The following UGT8 variants were observed in gnomAD, a reference collection of about 807,000 sequenced individuals.
The protein encoded by UGT8 is 2-hydroxyacylsphingosine 1-beta-galactosyltransferase.
Under a neutral mutation model 40.5 loss-of-function variants are expected in UGT8, and 12 were observed. The observed-to-expected ratio is 0.30, with a 90% CI of 0.19 to 0.48. UGT8 has a LOEUF of 0.48. Ranked by LOEUF, UGT8 falls within the 20% of genes least tolerant of loss-of-function variation. The pLI is 0.99. For missense variants in UGT8, 513 were observed against 648.7 expected, an observed-to-expected ratio of 0.79 and a Z score of 2.27; for synonymous variants, 224 against 240.4, an observed-to-expected ratio of 0.93 and a Z score of 0.63.
intron 2 of UGT8, among the ~76,000 whole-genome samples, chr4:114,643,964 C>G (rs1320520859): frequency 6.6e-6 from 1 of 152,008 alleles, no homozygotes; most frequent in Non-Finnish European, 1.5e-5. Flanking sequence ...TTGCTGTGAC[C>G]TCGCGTGTGA....
At chr4:114,660,523 T>C (rs781266043) in intron 2 of UGT8, among the ~76,000 whole-genome samples, 3 of 152,160 alleles carry the variant, frequency 2.0e-5, no homozygotes, top group Non-Finnish European at 4.4e-5. Flanking sequence ...TCCTTTATTA[T>C]GTGTATTGTA....
chr4:114,646,622 T>G (rs907974953), intron 2 of UGT8, among the ~76,000 whole-genome samples: 2 of 152,134 alleles, frequency 1.3e-5, no homozygotes. Context: ...TCAAGAGAAG[T>G]TAATTCATTG....
chr4:114,664,409 C>T (rs954523182), intron 3 of UGT8, among the ~76,000 whole-genome samples: 3 of 152,166 alleles, frequency 2.0e-5, no homozygotes, highest in Admixed American at 2.0e-4. Context: ...ACATTTCCCT[C>T]AGAGTTCTAC....
At chr4:114,616,535 C>A (rs1396135623) in intron 1 of UGT8, among the ~76,000 whole-genome samples, 1 of 152,146 alleles carries the variant, frequency 6.6e-6, no homozygotes, top group Non-Finnish European at 1.5e-5. Context: ...ATTCCCTGAC[C>A]CCCTGTGCTT....
intron 2 of UGT8, among the ~76,000 whole-genome samples, chr4:114,633,746 C>A (rs1365147942): frequency 6.6e-6 from 1 of 152,116 alleles, no homozygotes; most frequent in Non-Finnish European, 1.5e-5. Context: ...GAGTTCGAGA[C>A]CAGCCTGACC....
intron 2 of UGT8, among the ~76,000 whole-genome samples, chr4:114,637,591 C>T (rs1388150386): frequency 5.3e-5 from 8 of 152,150 alleles, no homozygotes; most frequent in South Asian, 2.1e-4. Flanking sequence ...TTTACCTGAA[C>T]GACACCAAGA....
chr4:114,617,671 A>C (rs1360835179), intron 1 of UGT8, among the ~76,000 whole-genome samples: 1 of 152,214 alleles, frequency 6.6e-6, no homozygotes, highest in African/African-American at 2.4e-5. Context: ...GGCTACTGTT[A>C]AATGGAAGTC....
chr4:114,644,881 G>A (rs1733465904), intron 2 of UGT8, among the ~76,000 whole-genome samples: 1 of 151,952 alleles, frequency 6.6e-6, no homozygotes, highest in African/African-American at 2.4e-5. Context: ...TCATTCTTAG[G>A]CACTACTTTC....
At chr4:114,657,378 C>T (rs1388517817) in intron 2 of UGT8, among the ~76,000 whole-genome samples, 1 of 152,132 alleles carries the variant, frequency 6.6e-6, no homozygotes. Flanking sequence ...TGAATACACC[C>T]TTCTGGGTGC....
intron 2 of UGT8, among the ~76,000 whole-genome samples, chr4:114,651,609 A>T (rs1200197481): frequency 6.6e-6 from 1 of 152,078 alleles, no homozygotes; most frequent in East Asian, 1.9e-4. Context: ...TAACATGCTC[A>T]CTGTTAAGCA....
At chr4:114,600,361 T>C (rs970710942) in intron 1 of UGT8, among the ~76,000 whole-genome samples, 15 of 151,868 alleles carry the variant, frequency 9.9e-5, no homozygotes, top group Non-Finnish European at 1.8e-4. Flanking sequence ...TGTTAGGGAG[T>C]TTGGCTAGAT....
chr4:114,675,160 A>G (rs1014392388), intron 5 of UGT8, among the ~76,000 whole-genome samples: 7 of 152,204 alleles, frequency 4.6e-5, no homozygotes, highest in South Asian at 4.1e-4. Flanking sequence ...TTAAATTAAA[A>G]CAAAATTAAA....
chr4:114,650,026 T>C (rs1417260238), intron 2 of UGT8, among the ~76,000 whole-genome samples: 10 of 152,178 alleles, frequency 6.6e-5, no homozygotes, highest in African/African-American at 9.6e-5. Flanking sequence ...TTAACCACTT[T>C]CATTGGTATG....
Position 114,634,440 on chromosome 4 carries a change from G to T in UGT8, c.822+10738G>T, listed in dbSNP as rs534727555. Among the ~76,000 whole-genome samples the T allele has an allele frequency of 3.3e-5, 5 of 152,300 alleles. No individual in the cohort carries two copies. In the South Asian group the frequency reaches 1.0e-3, roughly 32 times the overall value. ...GGCTTATCGACTCTCCAAGGAAGAG[G>T]AGGAGGGAAGAGGAGTCTCCAAGAA... On this transcript the variant is annotated intron_variant, in intron 2 of 5. Coordinates refer to ENST00000310836, the MANE Select transcript of UGT8 (RefSeq NM_001128174.3).
chr4:114,635,350 CA>C (rs755430712), intron 2 of UGT8, among the ~76,000 whole-genome samples: 108 of 130,738 alleles, frequency 8.3e-4, no homozygotes, highest in African/African-American at 9.3e-4. Context: ...GATTCTGTCT[CA>C]AAAAAAAAAA....
chr4:114,620,968 A>C (rs1289399125), intron 1 of UGT8, among the ~76,000 whole-genome samples: 1 of 152,118 alleles, frequency 6.6e-6, no homozygotes, highest in East Asian at 1.9e-4. Flanking sequence ...GATTTTTGAA[A>C]TGTGTCCAGT....
rs1384114745 is a variant in UGT8, at chr4:114,668,104, C to A, written c.1062C>A (p.Ala354=). The change falls in exon 5 of 6, where the codon GCC becomes GCA. Residue 354 remains alanine (A), a synonymous_variant. Coordinates refer to ENST00000310836, the MANE Select transcript of UGT8 (RefSeq NM_001128174.3). ...CTTCAGGGCATTCAAAGATTAAAGC[C>A]TTCCTGAGCCATGGTGGTTTGAACA... The part of the protein sequence containing the change: ...NDLLGHSKIK[A]FLSHGGLNSI... The A allele has an allele frequency of 2.5e-6, 4 of 1,613,392 alleles. No individual in the cohort carries two copies. Among genetic ancestry groups the A allele is most frequent in the African/African-American group, 2.7e-5 (2 of 75,000 alleles).
chr4:114,600,223 C>A (rs1422759876), intron 1 of UGT8, among the ~76,000 whole-genome samples: 2 of 151,532 alleles, frequency 1.3e-5, no homozygotes, highest in Non-Finnish European at 2.9e-5. Flanking sequence ...ACGATAGAGT[C>A]TTTTATTTCT....
chr4:114,672,439 C>G (rs1735350833), intron 5 of UGT8, among the ~76,000 whole-genome samples: 1 of 152,058 alleles, frequency 6.6e-6, no homozygotes, highest in Non-Finnish European at 1.5e-5. Context: ...CAGTGATAGA[C>G]TGGATAAATA....
Sources: gnomAD v4.1 joint callset for allele counts (sites outside exome capture counted in the v4.1 genomes callset) on GRCh38, gnomAD v4.1.1 for gene constraint, MANE v1.5 for transcripts, NCBI Gene and HGNC (gene_info 2026-07-23, HGNC 2026-07-21) for gene names.